Variants in SNTG2 observed in about 807,000 individuals in gnomAD.
SNTG2 encodes the protein syntrophin gamma 2.
Under a neutral mutation model 70.9 loss-of-function variants are expected in SNTG2, and 74 were observed. The ratio of observed to expected loss-of-function variants is 1.04; its 90% CI spans 0.86 to 1.27. SNTG2 has a LOEUF of 1.27. Among genes scored for constraint, SNTG2 ranks in the 50% most tolerant of loss-of-function variants. The pLI is 0.00. For synonymous variants in SNTG2, 278 were observed against 273.8 expected (o/e 1.02, Z -0.15); for missense variants, 717 against 690.7 (o/e 1.04, Z -0.43).
intron 2 of SNTG2, among the ~76,000 whole-genome samples, chr2:1,094,951 A>G (rs557398328): frequency 2.9e-3 from 406 of 140,036 alleles, no homozygotes; most frequent in Admixed American, 4.6e-3. Flanking sequence ...CGAAGGCCTT[A>G]TAGGTGTGTC....
intron 1 of SNTG2, among the ~76,000 whole-genome samples, chr2:990,844 T>C (rs920314017): frequency 5.9e-5 from 9 of 152,150 alleles, no homozygotes; most frequent in South Asian, 2.1e-4. Flanking sequence ...GAGGGAAAAG[T>C]TGGCACCCTT....
chr2:1,262,430 G>GA (rs1214492134), intron 13 of SNTG2, among the ~76,000 whole-genome samples: 1 of 152,252 alleles, frequency 6.6e-6, no homozygotes, highest in East Asian at 1.9e-4. Flanking sequence ...CCTTGAGAAA[G>GA]ACAGTCCTGG....
At position 1,205,856 on chromosome 2, in the gene SNTG2, G is replaced by A. The variant is rs112237796; in HGVS notation, c.592-3247G>A. Among the ~76,000 whole-genome samples, 216 of 152,246 alleles carry A rather than the reference G, an allele frequency of 1.4e-3. 1 individual carries two copies. Among genetic ancestry groups the A allele is most frequent in the African/African-American group, 4.6e-3 (193 of 41,548 alleles). ...ACTGTGGCATCTCATAGTAAATGCC[G>A]TGTGAGTTGGTTGGTCAGTCACATA... On this transcript the variant is annotated intron_variant, in intron 8 of 16. Transcript: ENST00000308624.
At chr2:1,313,991 T>C (rs1251771336) in intron 15 of SNTG2, among the ~76,000 whole-genome samples, 1 of 152,202 alleles carries the variant, frequency 6.6e-6, no homozygotes, top group African/African-American at 2.4e-5. Context: ...TATACCTAAA[T>C]CACTTCACTG....
At chr2:1,000,118 G>A (rs183000336) in intron 1 of SNTG2, among the ~76,000 whole-genome samples, 1 of 151,834 alleles carries the variant, frequency 6.6e-6, no homozygotes, top group East Asian at 1.9e-4. Flanking sequence ...CAAAATATCT[G>A]GGATACAGAA....
chr2:1,226,564 G>A (rs183577730), intron 9 of SNTG2, among the ~76,000 whole-genome samples: 213 of 152,192 alleles, frequency 1.4e-3, no homozygotes, highest in African/African-American at 4.5e-3. Flanking sequence ...TCCTGGACAC[G>A]GAAGCCTGTG....
At chr2:1,202,044 C>T (rs932592506) in intron 8 of SNTG2, among the ~76,000 whole-genome samples, 21 of 152,020 alleles carry the variant, frequency 1.4e-4, no homozygotes, top group Non-Finnish European at 2.8e-4. Flanking sequence ...AGTAGACCTA[C>T]ACTACAGGAA....
At chr2:1,041,384 T>C (rs1044713606) in intron 1 of SNTG2, among the ~76,000 whole-genome samples, 2 of 152,210 alleles carry the variant, frequency 1.3e-5, no homozygotes, top group Admixed American at 1.3e-4. Context: ...ATCTACTGTT[T>C]TTGTTGTTGT....
At chr2:1,163,953 T>G (rs1367237365) in intron 6 of SNTG2, among the ~76,000 whole-genome samples, 1 of 152,130 alleles carries the variant, frequency 6.6e-6, no homozygotes, top group Non-Finnish European at 1.5e-5. Flanking sequence ...AAATCCAGTC[T>G]TCAAAACCCA....
In SNTG2 at chr2:1,335,707, G is replaced by A. The variant is rs929698366; in HGVS notation, c.1488+19332G>A. On this transcript the variant is annotated intron_variant, in intron 16 of 16. Transcript: ENST00000308624. Reference sequence around the variant, plus strand: ...CCTGTGTGGGTCTGGATTGAACACCGAGAAACCACGTGAGGCACACTCAGG... The same window carrying A: ...CCTGTGTGGGTCTGGATTGAACACCAAGAAACCACGTGAGGCACACTCAGG... Among the ~76,000 whole-genome samples the A allele has an allele frequency of 2.0e-5, 3 of 151,894 alleles. No homozygotes were observed. The South Asian group carries it at 6.2e-4, about 32-fold the overall frequency.
chr2:1,361,031 C>T (rs569757209), intron 16 of SNTG2, among the ~76,000 whole-genome samples: 1 of 152,324 alleles, frequency 6.6e-6, no homozygotes, highest in South Asian at 2.1e-4. Flanking sequence ...CATCCATCAA[C>T]TCAGTCAGCT....
At chr2:998,587 A>G (rs897504896) in intron 1 of SNTG2, among the ~76,000 whole-genome samples, 1 of 152,126 alleles carries the variant, frequency 6.6e-6, no homozygotes, top group Middle Eastern at 3.4e-3. Context: ...CAGTCTTTCA[A>G]ATTAACTCAA....
At chr2:1,011,289 A>G (rs1184595874) in intron 1 of SNTG2, among the ~76,000 whole-genome samples, 8 of 152,328 alleles carry the variant, frequency 5.3e-5, no homozygotes, top group African/African-American at 1.9e-4. Flanking sequence ...GCTAGGTCCA[A>G]TTTCTGGTTA....
In SNTG2 at chr2:1,181,756, C is replaced by T. The variant is rs1162825917; in HGVS notation, c.591+8573C>T. 3.3e-5 allele frequency among the ~76,000 whole-genome samples: 5 copies of T among 152,326 alleles called. No individual in the cohort carries two copies. In the East Asian group the frequency reaches 9.6e-4, roughly 29 times the overall value. Reference sequence around the variant, plus strand: ...TTCTCATTTCTTTTTCTTCTGCCTCCTAAAAGCTGAAGCTTGCAGGGAGCT... The same window carrying T: ...TTCTCATTTCTTTTTCTTCTGCCTCTTAAAAGCTGAAGCTTGCAGGGAGCT... On this transcript the variant is annotated intron_variant, in intron 8 of 16. Coordinates refer to ENST00000308624, the MANE Select transcript of SNTG2 (RefSeq NM_018968.4).
At chr2:964,043 T>C (rs1274511710) in intron 1 of SNTG2, among the ~76,000 whole-genome samples, 1 of 152,184 alleles carries the variant, frequency 6.6e-6, no homozygotes, top group Non-Finnish European at 1.5e-5. Flanking sequence ...CAGTGTGTGC[T>C]GCTCTCCCTG....
At chr2:963,430 T>C (rs1660420541) in intron 1 of SNTG2, among the ~76,000 whole-genome samples, 1 of 152,174 alleles carries the variant, frequency 6.6e-6, no homozygotes, top group African/African-American at 2.4e-5. Context: ...CTGGGAAAAG[T>C]ATTAGGAAGG....
rs528635803 is a variant in SNTG2, at chr2:1,134,967, G to A, written c.326-2655G>A. ...CACCCTCCGCAGCCGCTGGCCAGGG[G>A]GCTAAGCCCCTCATTGAGACAGACG... On this transcript the variant is annotated intron_variant, in intron 4 of 16. Coordinates refer to ENST00000308624, the MANE Select transcript of SNTG2 (RefSeq NM_018968.4). Among the ~76,000 whole-genome samples the A allele has an allele frequency of 2.5e-4, 38 of 152,244 alleles. 2 individuals carry two copies. In the South Asian group the frequency reaches 7.9e-3, roughly 32 times the overall value.
intron 8 of SNTG2, among the ~76,000 whole-genome samples, chr2:1,190,904 A>G (rs1299154974): frequency 6.6e-6 from 1 of 152,174 alleles, no homozygotes; most frequent in African/African-American, 2.4e-5. Context: ...TTGAAAAACA[A>G]TTTAGTACTA....
At chr2:1,313,617 G>A (rs1681120421) in intron 15 of SNTG2, among the ~76,000 whole-genome samples, 1 of 152,180 alleles carries the variant, frequency 6.6e-6, no homozygotes, top group Admixed American at 6.5e-5. Context: ...GCTGTTTTCA[G>A]GTGCAGAAGA....
Sources: allele counts gnomAD v4.1 joint callset (sites outside exome capture counted in the v4.1 genomes callset), GRCh38; gene constraint gnomAD v4.1.1; transcripts MANE v1.5; gene names NCBI Gene and HGNC (gene_info 2026-07-23, HGNC 2026-07-21).